Variants in UBA3 observed in about 807,000 individuals in gnomAD.
UBA3 encodes ubiquitin like modifier activating enzyme 3, also known as NEDD8-activating enzyme E1 catalytic subunit.
Under a neutral mutation model 73.5 loss-of-function variants are expected in UBA3, and 26 were observed. The observed-to-expected ratio is 0.35, with a 90% confidence interval of 0.26 to 0.49. The LOEUF (loss-of-function observed/expected upper bound fraction) is 0.49. UBA3 is among the 20% of genes least tolerant of loss of function. UBA3 has a pLI of 0.98. For missense variants in UBA3, 495 were observed against 555.6 expected (o/e 0.89, Z 1.10); for synonymous variants, 217 against 191.2 (o/e 1.13, Z -1.11).
intron 6 of UBA3, among the ~76,000 whole-genome samples, chr3:69,066,555 C>T (rs2092073569): frequency 1.3e-5 from 2 of 152,094 alleles, no homozygotes; most frequent in South Asian, 4.1e-4. Context: ...GCGATTCTCC[C>T]ACCTCAGCCT....
In UBA3 at chr3:69,077,716, G is replaced by C. The variant is rs975057342; in HGVS notation, c.183+82C>G. 3.1e-5 allele frequency: 43 copies of C among 1,378,320 alleles called. No homozygotes were observed. In the African/African-American group the frequency reaches 5.4e-4, roughly 17 times the overall value. The allele number at this position is 1,378,320 out of a possible 1,614,324, so 85.4% of individuals were successfully genotyped here. The stretch of plus-strand genomic sequence containing the variant: ...AATTTTATTAGTATTTTCATTGTAA[G>C]AGCAAATTAAAAAAGAAGCATTCTA... On this transcript the variant is annotated intron_variant, in intron 3 of 17. Transcript: ENST00000361055.
rs1166747851 is a variant in UBA3 at position 69,063,015 on chromosome 3, ACAAG to A, written c.656_659del (p.Ala219ValfsTer34). 1 of 1,614,106 alleles carries A rather than the reference ACAAG, an allele frequency of 6.2e-7. No homozygotes were observed. Among genetic ancestry groups the A allele is most frequent in the Non-Finnish European group, 8.5e-7 (1 of 1,179,996 alleles). On this transcript the variant is annotated frameshift_variant, in exon 9 of 18. Transcript: ENST00000361055. LOFTEE classifies it high-confidence loss of function. The stretch of plus-strand genomic sequence containing the variant: ...GATAAAGTTCCAGCGTGCATTCGAT[ACAAG>A]CAGTCATTCCAGGCAGAATCACCCG...
intron 4 of UBA3, among the ~76,000 whole-genome samples, chr3:69,072,884 C>G (rs758341675): frequency 6.6e-6 from 1 of 152,166 alleles, no homozygotes. Flanking sequence ...GTATCATCCT[C>G]GATTCCTTTC....
intron 9 of UBA3, 58 bp downstream of exon 9, chr3:69,062,924 T>C: frequency 6.3e-7 from 1 of 1,578,750 alleles, no homozygotes; most frequent in Non-Finnish European, 8.6e-7. Context: ...ACTTAATAAT[T>C]AATCCCTAAT....
chr3:69,075,857 G>C (rs1359052168), intron 3 of UBA3, among the ~76,000 whole-genome samples: 1 of 151,752 alleles, frequency 6.6e-6, no homozygotes, highest in African/African-American at 2.4e-5. Flanking sequence ...TCAGCTTCTC[G>C]AGTAGCTGGG....
chr3:69,080,233 C>A, intron 1 of UBA3, 80 bp from the exon 2 acceptor site: 2 of 557,258 alleles, frequency 3.6e-6, no homozygotes, highest in Non-Finnish European at 6.2e-6. Context: ...GGGGACGGGG[C>A]GGGGGGTGTG....
Position 69,055,851 on chromosome 3 carries a change from C to T in UBA3, c.1303G>A (p.Glu435Lys). 2 of 1,610,146 alleles carry T rather than the reference C, an allele frequency of 1.2e-6. No individual in the cohort carries two copies. The highest frequency in any genetic ancestry group is 1.7e-6 in the Non-Finnish European group (2 of 1,178,494). The change falls in exon 17 of 18, where the codon GAA becomes AAA. Residue 435 changes from glutamate to lysine, a missense_variant and splice_region_variant. Transcript: ENST00000361055. The part of the protein sequence containing the change: ...TRPNLSKTLK[E>K]LGLVDGQELA... ...TAGTAAATACCCTTATGTAAAATAC[C>T]TTTCAATGTTTTGGAGAGATTTGGC... is the stretch of plus-strand genomic sequence containing the variant.
In UBA3 at chr3:69,068,008, C is replaced by T; in HGVS notation, c.348G>A (p.Arg116=). The T allele has an allele frequency of 6.4e-7, 1 of 1,554,228 alleles. No individual in the cohort carries two copies. Among genetic ancestry groups the T allele is most frequent in the Non-Finnish European group, 8.7e-7 (1 of 1,149,136 alleles). The change falls in exon 6 of 18, where the codon AGG becomes AGA. Residue 116 remains arginine (R), a splice_region_variant and synonymous_variant. Coordinates refer to ENST00000361055, the MANE Select transcript of UBA3 (RefSeq NM_003968.4). ...CCTTAGGTCTTCCAATATCTTTAGGCCTACAGGAAAAATATTTAAATTATA... is the reference window on the plus strand; with the variant it reads ...CCTTAGGTCTTCCAATATCTTTAGGTCTACAGGAAAAATATTTAAATTATA... ...VSNLNRQFLF[R]PKDIGRPKAE...
chr3:69,073,602 C>T (rs2092139548), intron 4 of UBA3, among the ~76,000 whole-genome samples: 1 of 151,636 alleles, frequency 6.6e-6, no homozygotes, highest in South Asian at 2.1e-4. Context: ...GATGGAGGCT[C>T]AATAAATATT....
At chr3:69,063,270 C>T (rs1051320786) in intron 8 of UBA3, 133 bp from the exon 9 acceptor site, 1 of 1,295,936 alleles carries the variant, frequency 7.7e-7, no homozygotes, top group Non-Finnish European at 1.1e-6. Context: ...ATTATAATAA[C>T]AATTTGTGTC....
chr3:69,072,900 C>T (rs2092132594), intron 4 of UBA3, among the ~76,000 whole-genome samples: 1 of 152,196 alleles, frequency 6.6e-6, no homozygotes, highest in Admixed American at 6.5e-5. Context: ...CTTTCTCTCA[C>T]AGCACACCAC....
intron 11 of UBA3, chr3:69,061,574 T>C (rs943167799): frequency 1.6e-5 from 6 of 385,898 alleles, no homozygotes; most frequent in Non-Finnish European, 4.6e-6. Context: ...CTCTAAGAGA[T>C]GATGAATTCA....
intron 1 of UBA3, 89 bp from the exon 2 acceptor site, chr3:69,080,242 TG>T: frequency 8.4e-7 from 1 of 1,192,626 alleles, no homozygotes; most frequent in Non-Finnish European, 1.2e-6. Context: ...GCGGGGGGTG[TG>T]GGGACCCCGG....
At position 69,079,973 on chromosome 3, in the gene UBA3, C is replaced by A. The variant is rs1352734549; in HGVS notation, c.62+139G>T. On this transcript the variant is annotated intron_variant, in intron 2 of 17. Coordinates refer to ENST00000361055, the MANE Select transcript of UBA3 (RefSeq NM_003968.4). ...GCCCCCGGGGCTGCGGGGCGGGGAT[C>A]AGGGGATGAGGCAGCGCGGCCTGCG... The A allele has an allele frequency of 1.8e-5, 13 of 726,008 alleles. No individual in the cohort carries two copies. In the East Asian group the frequency reaches 3.9e-4, roughly 22 times the overall value. The allele number at this position is 726,008 out of a possible 1,614,324, so 45.0% of individuals were successfully genotyped here. A position where few individuals can be genotyped will look rare whatever the true frequency, so the allele number is the denominator to read the frequency against.
intron 6 of UBA3, among the ~76,000 whole-genome samples, chr3:69,065,606 G>T (rs2092063667): frequency 6.6e-6 from 1 of 151,756 alleles, no homozygotes; most frequent in Non-Finnish European, 1.5e-5. Flanking sequence ...CCATGCCCGG[G>T]TAATTTTTCT....
At chr3:69,058,197 TG>T (rs1403540872) in intron 11 of UBA3, among the ~76,000 whole-genome samples, 1 of 152,226 alleles carries the variant, frequency 6.6e-6, no homozygotes, top group Non-Finnish European at 1.5e-5. Flanking sequence ...CCCAAAGTGC[TG>T]GGACTCACAT....
At chr3:69,077,709 A>G in intron 3 of UBA3, 89 bp downstream of exon 3, 1 of 1,348,606 alleles carries the variant, frequency 7.4e-7, no homozygotes, top group South Asian at 1.8e-5. Context: ...TAGTATTTTC[A>G]TTGTAAGAGC....
chr3:69,058,477 C>G (rs1223161384), intron 11 of UBA3, among the ~76,000 whole-genome samples: 1 of 152,068 alleles, frequency 6.6e-6, no homozygotes, highest in Admixed American at 6.5e-5. Context: ...AAGACAGTTA[C>G]GAAGGCTGGA....
chr3:69,057,868 C>A (rs1282620431), intron 11 of UBA3, among the ~76,000 whole-genome samples: 1 of 151,466 alleles, frequency 6.6e-6, no homozygotes, highest in Non-Finnish European at 1.5e-5. Flanking sequence ...TTTTACTCTA[C>A]AACCGAGGCT....
Sources: gnomAD v4.1 joint callset for allele counts (sites outside exome capture counted in the v4.1 genomes callset) on GRCh38, gnomAD v4.1.1 for gene constraint, MANE v1.5 for transcripts, NCBI Gene and HGNC (gene_info 2026-07-23, HGNC 2026-07-21) for gene names.